The following UNC5C variants were observed in gnomAD, a reference collection of about 807,000 sequenced individuals.
The protein encoded by UNC5C is unc-5 netrin receptor C, also known as netrin receptor UNC5C.
Under a neutral mutation model 99.8 loss-of-function variants are expected in UNC5C, and 47 were observed. The observed-to-expected ratio is 0.47, with a 90% confidence interval of 0.37 to 0.60. The LOEUF is 0.60. Ranked by LOEUF, UNC5C falls within the 20% of genes least tolerant of loss-of-function variation. The pLI is 0.00. For synonymous variants in UNC5C, 487 were observed against 452.2 expected (o/e 1.08, Z -0.98); for missense variants, 1,062 against 1,165.9 (o/e 0.91, Z 1.30).
chr4:95,271,297 G>A (rs923330583), intron 4 of UNC5C, among the ~76,000 whole-genome samples: 4 of 151,504 alleles, frequency 2.6e-5, no homozygotes, highest in African/African-American at 9.7e-5. Context: ...GCGCGATCTC[G>A]GCTCACTGCA....
chr4:95,178,163 G>A (rs1736448019), intron 14 of UNC5C, among the ~76,000 whole-genome samples: 1 of 152,202 alleles, frequency 6.6e-6, no homozygotes, highest in Admixed American at 6.5e-5. Context: ...TCCTTACCGT[G>A]ACTTGACCTG....
intron 7 of UNC5C, among the ~76,000 whole-genome samples, chr4:95,228,412 A>T (rs923282930): frequency 6.6e-6 from 1 of 152,374 alleles, no homozygotes; most frequent in Admixed American, 6.5e-5. Context: ...AAATGTCATA[A>T]CTTCTGAACA....
chr4:95,527,235 C>T (rs1382804819), intron 1 of UNC5C, among the ~76,000 whole-genome samples: 1 of 152,064 alleles, frequency 6.6e-6, no homozygotes, highest in Non-Finnish European at 1.5e-5. Flanking sequence ...AAAAACGCAT[C>T]ACACACGTTA....
chr4:95,354,159 TG>T (rs960038602), intron 1 of UNC5C, among the ~76,000 whole-genome samples: 9 of 152,080 alleles, frequency 5.9e-5, no homozygotes, highest in African/African-American at 2.2e-4. Context: ...CATCATTTTT[TG>T]CCTAAACATT....
chr4:95,396,426 T>C (rs2149446886), intron 1 of UNC5C, among the ~76,000 whole-genome samples: 1 of 152,308 alleles, frequency 6.6e-6, no homozygotes, highest in African/African-American at 2.4e-5. Flanking sequence ...CTACTTGTAA[T>C]GAGTATTTAA....
intron 1 of UNC5C, among the ~76,000 whole-genome samples, chr4:95,397,099 G>C (rs1409682906): frequency 6.6e-6 from 1 of 152,128 alleles, no homozygotes; most frequent in Non-Finnish European, 1.5e-5. Context: ...GTATTGTCTG[G>C]GTGCCAAAGG....
intron 1 of UNC5C, among the ~76,000 whole-genome samples, chr4:95,343,443 T>C (rs929264296): frequency 6.6e-6 from 1 of 152,124 alleles, no homozygotes; most frequent in African/African-American, 2.4e-5. Context: ...GCAAAAGTCA[T>C]AGTGTTACTG....
chr4:95,299,152 T>C (rs555089717), intron 3 of UNC5C, among the ~76,000 whole-genome samples: 12 of 152,202 alleles, frequency 7.9e-5, no homozygotes, highest in African/African-American at 2.6e-4. Context: ...CAAGTTAAAA[T>C]GAAGCTGTTA....
At chr4:95,234,803 G>A (rs62319064) in intron 7 of UNC5C, among the ~76,000 whole-genome samples, 43,899 of 152,050 alleles carry the variant, frequency 0.29, 6,978 homozygotes, top group East Asian at 0.61. Context: ...ATGTTACACA[G>A]TACTTACAAT....
At chr4:95,188,677 A>T (rs17023172) in intron 12 of UNC5C, among the ~76,000 whole-genome samples, 2,112 of 152,362 alleles carry the variant, frequency 0.014, 61 homozygotes, top group African/African-American at 0.047. Context: ...TGATACAGAT[A>T]TGTAAGAGGA....
intron 1 of UNC5C, among the ~76,000 whole-genome samples, chr4:95,517,598 A>G (rs995064766): frequency 6.6e-6 from 1 of 152,216 alleles, no homozygotes; most frequent in Non-Finnish European, 1.5e-5. Flanking sequence ...CTGCAAAGAT[A>G]TACTCTTCCA....
At chr4:95,510,433 TC>T (rs5860412) in intron 1 of UNC5C, among the ~76,000 whole-genome samples, 14,401 of 152,038 alleles carry the variant, frequency 0.095, 1,523 homozygotes, top group African/African-American at 0.26. Context: ...ATTCTTTTTT[TC>T]CTTAATTTTT....
chr4:95,219,423 A>G, intron 8 of UNC5C, 110 bp from the exon 9 acceptor site: 1 of 990,652 alleles, frequency 1.0e-6, no homozygotes, highest in Non-Finnish European at 1.5e-6. Context: ...AGCTCAGCTA[A>G]TATCGGAGAT....
chr4:95,335,427 C>G lies in UNC5C; in HGVS notation c.329G>C (p.Arg110Thr), dbSNP rs1743295901. The G allele has an allele frequency of 1.2e-6, 2 of 1,611,000 alleles. No individual in the cohort carries two copies. The highest frequency in any genetic ancestry group is 1.7e-5 in the Admixed American group (1 of 59,524). ...AAACTCACCGGAAGTTTCATCTACT[C>G]TTTCATCTACTATGTGGTCCTTCTG... Reference protein sequence around the residue: ...VHQKDHIVDERVDETSGLIVR... With the variant: ...VHQKDHIVDETVDETSGLIVR... The change falls in exon 2 of 16, where the codon AGA becomes ACA. Residue 110 changes from arginine (R) to threonine (T), a missense_variant. Transcript: ENST00000453304.
intron 1 of UNC5C, among the ~76,000 whole-genome samples, chr4:95,541,156 T>G (rs533387643): frequency 6.6e-6 from 1 of 152,362 alleles, no homozygotes; most frequent in Non-Finnish European, 1.5e-5. Flanking sequence ...CAGTTCACTT[T>G]CTGCAGTTTC....
intron 1 of UNC5C, among the ~76,000 whole-genome samples, chr4:95,346,167 A>C (rs932626377): frequency 2.6e-5 from 4 of 152,014 alleles, no homozygotes; most frequent in African/African-American, 7.2e-5. Context: ...TATTCTAATA[A>C]ATTGGAAAAT....
chr4:95,519,754 TA>T (rs942192757), intron 1 of UNC5C, among the ~76,000 whole-genome samples: 161 of 152,310 alleles, frequency 1.1e-3, no homozygotes, highest in African/African-American at 3.8e-3. Context: ...GAAGACTTTT[TA>T]TGGATTTCCC....
chr4:95,197,530 G>A (rs888608152), intron 12 of UNC5C, among the ~76,000 whole-genome samples: 1 of 152,126 alleles, frequency 6.6e-6, no homozygotes, highest in African/African-American at 2.4e-5. Context: ...AGAGGCTGAA[G>A]TAAAAGGTTT....
intron 4 of UNC5C, among the ~76,000 whole-genome samples, chr4:95,255,000 T>G (rs1271733172): frequency 1.3e-5 from 2 of 152,092 alleles, no homozygotes; most frequent in East Asian, 3.9e-4. Context: ...TTTTTTGTTT[T>G]TTTTTTTTAA....
Sources: allele counts gnomAD v4.1 joint callset (sites outside exome capture counted in the v4.1 genomes callset), GRCh38; gene constraint gnomAD v4.1.1; transcripts MANE v1.5; gene names NCBI Gene and HGNC (gene_info 2026-07-23, HGNC 2026-07-21).